The following F13A1 variants were observed in gnomAD, a reference collection of about 807,000 sequenced individuals.
F13A1 encodes coagulation factor XIII A chain, also known as FSF, A subunit.
Under a neutral mutation model 80.1 loss-of-function variants are expected in F13A1, and 47 were observed. The observed-to-expected ratio is 0.59, with a 90% CI of 0.46 to 0.75. F13A1 has a LOEUF of 0.75. Among genes scored for constraint, F13A1 ranks in the 30% least tolerant of loss-of-function variants. F13A1 has a pLI of 0.00. For synonymous variants in F13A1, 349 were observed against 344.9 expected (o/e 1.01, Z -0.13); for missense variants, 817 against 930.4 (o/e 0.88, Z 1.59).
intron 10 of F13A1, among the ~76,000 whole-genome samples, chr6:6,190,434 C>T (rs913144381): frequency 2.7e-5 from 4 of 150,762 alleles, no homozygotes; most frequent in Non-Finnish European, 5.9e-5. Context: ...GTTAGTTTTC[C>T]TTCTAACAGA....
intron 3 of F13A1, among the ~76,000 whole-genome samples, chr6:6,282,126 G>A (rs1758075738): frequency 6.6e-6 from 1 of 152,126 alleles, no homozygotes; most frequent in Admixed American, 6.5e-5. Flanking sequence ...ACTGAAAGGA[G>A]GTAAAATACT....
chr6:6,178,187 T>C (rs1447319422), intron 11 of F13A1, among the ~76,000 whole-genome samples: 1 of 152,042 alleles, frequency 6.6e-6, no homozygotes, highest in Non-Finnish European at 1.5e-5. Context: ...CTAGAGCAAG[T>C]ATTTTTCCAG....
At chr6:6,253,163 AG>A (rs757130076) in intron 4 of F13A1, among the ~76,000 whole-genome samples, 8,554 of 84,582 alleles carry the variant, frequency 0.1, 299 homozygotes, top group African/African-American at 0.18. Context: ...AAAAAAAAAA[AG>A]AGAGAGAGAG....
At chr6:6,298,740 C>A (rs1758371866) in intron 3 of F13A1, among the ~76,000 whole-genome samples, 1 of 149,786 alleles carries the variant, frequency 6.7e-6, no homozygotes, top group Non-Finnish European at 1.5e-5. Context: ...AGCATTTAGT[C>A]CATTTACATT....
At position 6,178,106 on chromosome 6, in the gene F13A1, T is replaced by A. The variant is rs547562266; in HGVS notation, c.1460-3239A>T. ...GAGGCTCAGGTTTATATTTCAGATA[T>A]TACTTTGGCAGCAAGGCAGGGGCTA... On this transcript the variant is annotated intron_variant, in intron 11 of 14. Transcript: ENST00000264870. 5.9e-5 allele frequency among the ~76,000 whole-genome samples: 9 copies of A among 151,322 alleles called. No homozygotes were observed. The South Asian group carries it at 1.5e-3, about 25-fold the overall frequency.
intron 14 of F13A1, among the ~76,000 whole-genome samples, chr6:6,148,207 AAG>A (rs1357852536): frequency 2.6e-5 from 4 of 152,244 alleles, no homozygotes; most frequent in Non-Finnish European, 5.9e-5. Context: ...GCAGAAAGTT[AAG>A]AGTCTGTGGA....
At chr6:6,206,911 G>C (rs1389025594) in intron 8 of F13A1, among the ~76,000 whole-genome samples, 1 of 151,140 alleles carries the variant, frequency 6.6e-6, no homozygotes, top group African/African-American at 2.4e-5. Flanking sequence ...GTGGTAGGAA[G>C]CACTTGTGTA....
intron 6 of F13A1, among the ~76,000 whole-genome samples, chr6:6,235,702 A>G (rs750369796): frequency 2.0e-5 from 3 of 152,090 alleles, no homozygotes; most frequent in Non-Finnish European, 4.4e-5. Context: ...TAAAATGCCC[A>G]TCCAATTTAG....
intron 2 of F13A1, among the ~76,000 whole-genome samples, chr6:6,314,725 G>C (rs1415168849): frequency 6.6e-6 from 1 of 152,312 alleles, no homozygotes; most frequent in Non-Finnish European, 1.5e-5. Context: ...TGAGGCCAGG[G>C]ACTAACTTAC....
chr6:6,273,805 T>G (rs1757952459), intron 3 of F13A1, among the ~76,000 whole-genome samples: 1 of 152,114 alleles, frequency 6.6e-6, no homozygotes, highest in Non-Finnish European at 1.5e-5. Context: ...CTAACAGTCT[T>G]AGGATGGAAA....
chr6:6,293,518 C>T lies in F13A1; in HGVS notation c.319+11833G>A, dbSNP rs57060507. On this transcript the variant is annotated intron_variant, in intron 3 of 14. Transcript: ENST00000264870. ...ACCCACCTCCTCAGATTCATTAACA[C>T]CTCCCACCTAACACAGAGATAGCTG... 8.4e-4 allele frequency among the ~76,000 whole-genome samples: 128 copies of T among 151,926 alleles called. 2 individuals are homozygous for T. The East Asian group carries it at 0.023, about 28-fold the overall frequency.
chr6:6,152,442 G>A (rs1434914362), intron 13 of F13A1, among the ~76,000 whole-genome samples: 4 of 152,192 alleles, frequency 2.6e-5, no homozygotes, highest in African/African-American at 7.2e-5. Context: ...TGAACATGAA[G>A]AGGAACCTGG....
At chr6:6,201,107 A>C (rs1761385962) in intron 8 of F13A1, among the ~76,000 whole-genome samples, 1 of 152,190 alleles carries the variant, frequency 6.6e-6, no homozygotes, top group Admixed American at 6.5e-5. Context: ...CCATCACCCT[A>C]GATTAATAGG....
At chr6:6,231,620 T>G (rs530574733) in intron 6 of F13A1, among the ~76,000 whole-genome samples, 4 of 152,272 alleles carry the variant, frequency 2.6e-5, no homozygotes, top group East Asian at 1.9e-4. Context: ...CTAGGCACAT[T>G]GTCATTAGGT....
intron 13 of F13A1, among the ~76,000 whole-genome samples, chr6:6,157,914 T>C (rs1429061336): frequency 6.6e-6 from 1 of 152,212 alleles, no homozygotes; most frequent in African/African-American, 2.4e-5. Context: ...TTCTAAAATG[T>C]GTACTGTTCT....
intron 3 of F13A1, among the ~76,000 whole-genome samples, chr6:6,299,062 T>C (rs1038423878): frequency 6.8e-6 from 1 of 146,344 alleles, no homozygotes; most frequent in African/African-American, 2.7e-5. Flanking sequence ...TCTTTAAGAA[T>C]GTTGAATATT....
chr6:6,246,114 G>A (rs1583091956), intron 6 of F13A1, among the ~76,000 whole-genome samples: 1 of 152,168 alleles, frequency 6.6e-6, no homozygotes, highest in South Asian at 2.1e-4. Flanking sequence ...TACTAATAAA[G>A]TCAAATCATT....
At chr6:6,175,796 A>G (rs145602973) in intron 11 of F13A1, among the ~76,000 whole-genome samples, 275 of 152,298 alleles carry the variant, frequency 1.8e-3, no homozygotes, top group African/African-American at 6.4e-3. Context: ...CTTTTAGGAA[A>G]ATGTTTTGTG....
At chr6:6,210,102 T>C (rs1330584542) in intron 8 of F13A1, among the ~76,000 whole-genome samples, 3 of 150,648 alleles carry the variant, frequency 2.0e-5, no homozygotes, top group Non-Finnish European at 3.0e-5. Context: ...GTGGTGGGTG[T>C]GCCTGTAGTC....
Sources: gnomAD v4.1 joint callset for allele counts (sites outside exome capture counted in the v4.1 genomes callset) on GRCh38, gnomAD v4.1.1 for gene constraint, MANE v1.5 for transcripts, NCBI Gene and HGNC (gene_info 2026-07-23, HGNC 2026-07-21) for gene names.